The following TAOK2 variants were observed in gnomAD, a reference collection of about 807,000 sequenced individuals.
TAOK2 encodes TAO kinase 2, also known as serine/threonine-protein kinase TAO2.
TAOK2 carries 42 observed loss-of-function variants against 122.5 expected under a neutral mutation model. That is an observed-to-expected ratio of 0.34 (90% CI 0.27 to 0.44). The LOEUF is 0.44. TAOK2 is among the 20% of genes least tolerant of loss of function. The probability of loss-of-function intolerance (pLI) is 1.00; values close to 1 mark genes in which losing one functional copy is unlikely to be tolerated. For missense variants in TAOK2, 1,264 were observed against 1,644.9 expected (o/e 0.77, Z 4.01); for synonymous variants, 704 against 677.6 (o/e 1.04, Z -0.61).
chr16:29,991,216 C>T, downstream of TAOK2: 2 of 1,610,872 alleles, frequency 1.2e-6, no homozygotes, highest in Non-Finnish European at 1.7e-6. The surrounding 1 kb of genome is among the most constrained non-coding windows in gnomAD (Gnocchi z 5.6). Flanking sequence ...CAGGGCTATC[C>T]TGCTCCACCC....
At chr16:29,975,685 G>A (rs2069433328) in intron 1 of TAOK2, among the ~76,000 whole-genome samples, 1 of 152,190 alleles carries the variant, frequency 6.6e-6, no homozygotes, top group Admixed American at 6.5e-5. Context: ...CCTGACAAAT[G>A]GTAGCACTAG....
At chr16:29,988,538 T>C, downstream of TAOK2, 1 of 1,160,998 alleles carries the variant, frequency 8.6e-7, no homozygotes, top group African/African-American at 1.6e-5. Context: ...TCCAGCCTCA[T>C]GCTCTCTGCC....
rs1419877049 is a variant in TAOK2, at chr16:29,987,230, G to A, written c.2958G>A (p.Gln986=). The change falls in exon 16 of 16, where the codon CAG becomes CAA. Residue 986 remains glutamine (Q), a synonymous_variant. Coordinates refer to ENST00000308893, the MANE Select transcript of TAOK2 (RefSeq NM_016151.4). ...CAGCCCAGGGTGGGGGTGGCCTGCA[G>A]GCAGCGCTGCTGGCCCTTGAGGTGG... ...LLAAQGGGGL[Q]AALLALEVGL... The A allele has an allele frequency of 1.9e-6, 3 of 1,542,104 alleles. No homozygotes were observed. The highest frequency in any genetic ancestry group is 2.6e-6 in the Non-Finnish European group (3 of 1,150,410).
Position 29,985,763 on chromosome 16 carries a change from C to T in TAOK2, c.1894C>T (p.Leu632=), listed in dbSNP as rs1015511849. 3 of 1,610,976 alleles carry T rather than the reference C, an allele frequency of 1.9e-6. No individual in the cohort carries two copies. The African/African-American group carries it at 4.0e-5, about 22-fold the overall frequency. ...QCQAEEEAGL[L]RRQRQYFELQ... is the part of the protein sequence containing the mutation. ...CCAGGCGGAGGAGGAAGCAGGGCTG[C>T]TGCGGCGGCAGCGCCAGTACTTTGA... Residue 632 remains leucine (L), a synonymous_variant, in exon 15 of 16, where the codon CTG becomes TTG. Transcript: ENST00000308893. The surrounding 1 kb of genome is among the most constrained non-coding windows in gnomAD (Gnocchi z 6.9).
chr16:29,984,783 T>TA (rs776610756), intron 13 of TAOK2, among the ~76,000 whole-genome samples: 31 of 152,110 alleles, frequency 2.0e-4, no homozygotes, highest in Non-Finnish European at 3.8e-4. Context: ...AGCCAACACT[T>TA]ATTAGATAGA....
chr16:29,981,679 T>A lies in TAOK2; in HGVS notation c.674T>A (p.Leu225His), dbSNP rs745492252. ...TCTGTAGCTGAACGGAAACCACCGC[T>A]CTTTAACATGAATGCGATGAGTGCC... is the stretch of plus-strand genomic sequence containing the variant. The part of the protein sequence containing the change: ...CIELAERKPP[L>H]FNMNAMSALY... Residue 225 changes from leucine to histidine, a missense_variant, in exon 9 of 16, where the codon CTC (leucine) becomes CAC (histidine). Around this residue, in one of 4 missense-constraint regions of TAOK2, gnomAD observed 254 missense variants for 503.8 expected, o/e 0.50. Coordinates refer to ENST00000308893, the MANE Select transcript of TAOK2 (RefSeq NM_016151.4). The A allele has an allele frequency of 6.2e-7, 1 of 1,614,118 alleles. No individual in the cohort carries two copies. Among genetic ancestry groups the A allele is most frequent in the Non-Finnish European group, 8.5e-7 (1 of 1,179,994 alleles).
rs777989484 is a variant in TAOK2 at position 29,987,453 on chromosome 16, G to A, written c.3181G>A (p.Val1061Met). ...TTGGCCAGGCCTAGCTCTACCTCTGGTGGCTATGGCAGCGGGGGGCAGATG... is the reference window on the plus strand; with the variant it reads ...TTGGCCAGGCCTAGCTCTACCTCTGATGGCTATGGCAGCGGGGGGCAGATG... ...LAWPGLALPL[V>M]AMAAGGRWVR... The change falls in exon 16 of 16, where the codon GTG (valine) becomes ATG (methionine). Residue 1061 changes from valine (V) to methionine (M), a missense_variant. By Grantham distance (21) the Val-to-Met change is conservative. Coordinates refer to ENST00000308893, the MANE Select transcript of TAOK2 (RefSeq NM_016151.4). 2.5e-6 allele frequency: 4 copies of A among 1,597,860 alleles called. No homozygotes were observed. The highest frequency in any genetic ancestry group is 2.6e-6 in the Non-Finnish European group (3 of 1,169,940).
At position 29,981,742 on chromosome 16, in the gene TAOK2, A is replaced by G; in HGVS notation, c.737A>G (p.Gln246Arg). The part of the protein sequence containing the change: ...HIAQNESPVL[Q>R]SGHWSEYFRN... ...GCACAGAACGAATCCCCCGTGCTCCAGTCAGGACACTGGTGAGGACTGAGA... is the reference window on the plus strand; with the variant it reads ...GCACAGAACGAATCCCCCGTGCTCCGGTCAGGACACTGGTGAGGACTGAGA... Residue 246 changes from glutamine to arginine, a missense_variant, in exon 9 of 16, where the codon CAG becomes CGG. Transcript: ENST00000308893. 1 of 1,614,186 alleles carries G rather than the reference A, an allele frequency of 6.2e-7. No homozygotes were observed. Among genetic ancestry groups the G allele is most frequent in the Non-Finnish European group, 8.5e-7 (1 of 1,180,022 alleles).
At position 29,979,171 on chromosome 16, in the gene TAOK2, A is replaced by C; in HGVS notation, c.450-24A>C. The C allele has an allele frequency of 2.5e-6, 4 of 1,614,010 alleles. No homozygotes were observed. Among genetic ancestry groups the C allele is most frequent in the Non-Finnish European group, 3.4e-6 (4 of 1,179,854 alleles). Reference sequence around the variant, plus strand: ...CTAGCTTTCTTGAGACACATGTCTCATCCCTGTACTTTGCCTCTGGCAGGG... The same window carrying C: ...CTAGCTTTCTTGAGACACATGTCTCCTCCCTGTACTTTGCCTCTGGCAGGG... On this transcript the variant is annotated intron_variant, in intron 6 of 15. Coordinates refer to ENST00000308893, the MANE Select transcript of TAOK2 (RefSeq NM_016151.4). This position sits in a 1 kb window ranked among gnomAD's most constrained non-coding sequence, Gnocchi z 4.1.
Position 29,979,197 on chromosome 16 carries a change from A to G in TAOK2, c.452A>G (p.Asp151Gly). ...YLHSHNMIHR[D>G]VKAGNILLSE... ...TCCCTGTACTTTGCCTCTGGCAGGGATGTGAAGGCTGGAAACATCCTGCTG... is the reference window on the plus strand; with the variant it reads ...TCCCTGTACTTTGCCTCTGGCAGGGGTGTGAAGGCTGGAAACATCCTGCTG... Residue 151 changes from aspartate (D) to glycine (G), a missense_variant and splice_region_variant, in exon 7 of 16, where the codon GAT (aspartate) becomes GGT (glycine). Physicochemically the swap from Asp to Gly is moderately conservative, Grantham distance 94. Transcript: ENST00000308893. The surrounding 1 kb of genome is among the most constrained non-coding windows in gnomAD (Gnocchi z 4.1). The G allele has an allele frequency of 6.2e-7, 1 of 1,614,116 alleles. No individual in the cohort carries two copies. The highest frequency in any genetic ancestry group is 8.5e-7 in the Non-Finnish European group (1 of 1,180,008).
chr16:29,977,249 CCG>C (rs921570751), intron 1 of TAOK2, among the ~76,000 whole-genome samples: 2 of 152,180 alleles, frequency 1.3e-5, no homozygotes, highest in African/African-American at 4.8e-5. Flanking sequence ...CGGATTTCCA[CCG>C]CCTCCGGCCT....
Position 29,981,867 on chromosome 16 carries a change from A to C in TAOK2, c.758A>C (p.Tyr253Ser). 1 of 1,611,700 alleles carries C rather than the reference A, an allele frequency of 6.2e-7. No individual in the cohort carries two copies. The highest frequency in any genetic ancestry group is 1.3e-5 in the African/African-American group (1 of 74,848). Residue 253 changes from tyrosine to serine, a missense_variant, in exon 10 of 16, where the codon TAC becomes TCC. This residue lies in a region of TAOK2 where 254 missense variants were observed against 503.8 expected (regional missense o/e 0.50). Coordinates refer to ENST00000308893, the MANE Select transcript of TAOK2 (RefSeq NM_016151.4). ...CCTCCTGTGACTTTCAGGTCTGAGT[A>C]CTTCCGGAATTTTGTCGACTCCTGT... ...PVLQSGHWSE[Y>S]FRNFVDSCLQ...
At chr16:29,990,763 C>T (rs552786119), downstream of TAOK2, 72 of 1,593,334 alleles carry the variant, frequency 4.5e-5, 1 homozygote, top group South Asian at 8.1e-4. Context: ...ATCCCTACAA[C>T]TGGTTGTTCA....
intron 11 of TAOK2, 47 bp from the exon 12 acceptor site, chr16:29,983,025 C>A (rs1439544309): frequency 2.5e-6 from 4 of 1,611,118 alleles, no homozygotes; most frequent in Non-Finnish European, 3.4e-6. Context: ...ATGCATATGC[C>A]CCAGGGCTTC....
At chr16:29,983,696 GCTGT>G in intron 13 of TAOK2, 32 bp downstream of exon 13, 11 of 1,582,214 alleles carry the variant, frequency 7.0e-6, no homozygotes, top group Non-Finnish European at 9.5e-6. Flanking sequence ...CAGCCTGCTC[GCTGT>G]CTGTTTTTTA....
chr16:29,979,026 G>A lies in TAOK2; in HGVS notation c.405G>A (p.Ala135=), dbSNP rs778210583. 26 of 1,614,134 alleles carry A rather than the reference G, an allele frequency of 1.6e-5. No individual in the cohort carries two copies. Among genetic ancestry groups the A allele is most frequent in the South Asian group, 4.4e-5 (4 of 91,086 alleles). ...AGATCGCAGCTGTGACCCACGGGGCGCTTCAGGGCCTGGCATATCTGCACT... is the reference window on the plus strand; with the variant it reads ...AGATCGCAGCTGTGACCCACGGGGCACTTCAGGGCCTGGCATATCTGCACT... ...EVEIAAVTHG[A]LQGLAYLHSH... is the part of the protein sequence containing the mutation. The change falls in exon 6 of 16, where the codon GCG becomes GCA. Residue 135 remains alanine, a synonymous_variant. Transcript: ENST00000308893. This position sits in a 1 kb window ranked among gnomAD's most constrained non-coding sequence, Gnocchi z 4.1.
At chr16:29,980,364 CTGTCT>C (rs1251058323) in intron 8 of TAOK2, 10 of 152,424 alleles carry the variant, frequency 6.6e-5, no homozygotes, top group Non-Finnish European at 7.3e-5. Context: ...CCCTTCCAGT[CTGTCT>C]TAAGTACTGA....
downstream of TAOK2, chr16:29,990,445 G>T (rs928517532): frequency 9.8e-6 from 2 of 204,696 alleles, no homozygotes; most frequent in African/African-American, 4.6e-5. Flanking sequence ...ATCTTCCCCT[G>T]TCAGTACACC....
Position 29,987,705 on chromosome 16 carries a change from G to A in TAOK2, c.3433G>A (p.Ala1145Thr). Residue 1145 changes from alanine to threonine, a missense_variant, in exon 16 of 16, where the codon GCT becomes ACT. This residue lies in a region of TAOK2 where 824 missense variants were observed against 908.7 expected (regional missense o/e 0.91). Transcript: ENST00000308893. The stretch of plus-strand genomic sequence containing the variant: ...TCCCCGCACCACCCAACACCCATTA[G>A]CTCTGTTGGCAAGGGTCTGGGTCCT... ...RNPRTTQHPL[A>T]LLARVWVLCK... 6.2e-7 allele frequency: 1 copy of A among 1,614,094 alleles called. No homozygotes were observed. Among genetic ancestry groups the A allele is most frequent in the Non-Finnish European group, 8.5e-7 (1 of 1,179,966 alleles).
Sources: allele counts gnomAD v4.1 joint callset (sites outside exome capture counted in the v4.1 genomes callset), GRCh38; gene constraint gnomAD v4.1.1; regional missense constraint gnomAD v4.1.1; non-coding constraint Gnocchi (gnomAD v3.1); transcripts MANE v1.5; gene names NCBI Gene and HGNC (gene_info 2026-07-23, HGNC 2026-07-21).